The following ATP1B3 variants were observed in gnomAD, a reference collection of about 807,000 sequenced individuals.
ATP1B3 encodes sodium/potassium-transporting ATPase subunit beta-3.
In ATP1B3, 10 loss-of-function variants were observed where a neutral mutation model predicts 30.2. That is an observed-to-expected ratio of 0.33 (90% CI 0.20 to 0.56). The LOEUF (loss-of-function observed/expected upper bound fraction) is 0.56, where lower values mean the gene tolerates loss of function less well. Among genes scored for constraint, ATP1B3 ranks in the 20% least tolerant of loss-of-function variants. The probability of loss-of-function intolerance (pLI) is 0.90; values close to 1 mark genes in which losing one functional copy is unlikely to be tolerated. For missense variants in ATP1B3, 238 were observed against 336.7 expected (o/e 0.71, Z 2.29); for synonymous variants, 113 against 117.0 (o/e 0.97, Z 0.22).
At chr3:141,898,136 G>A (rs1244545204) in intron 1 of ATP1B3, among the ~76,000 whole-genome samples, 1 of 152,138 alleles carries the variant, frequency 6.6e-6, no homozygotes, top group Admixed American at 6.5e-5. Flanking sequence ...AAACTTAAGA[G>A]CTAATTTATA....
chr3:141,896,328 T>G (rs1934064486), intron 1 of ATP1B3, among the ~76,000 whole-genome samples: 1 of 151,056 alleles, frequency 6.6e-6, no homozygotes, highest in African/African-American at 2.5e-5. Context: ...AAAAAAAAAT[T>G]TTCTTAAGAA....
At chr3:141,916,233 G>A (rs193160356) in intron 5 of ATP1B3, 26 of 535,872 alleles carry the variant, frequency 4.9e-5, no homozygotes, top group African/African-American at 3.4e-4. Flanking sequence ...TGCACACATT[G>A]CCTTTATTTT....
intron 1 of ATP1B3, among the ~76,000 whole-genome samples, chr3:141,896,770 G>T (rs183923168): frequency 6.6e-6 from 1 of 152,082 alleles, no homozygotes; most frequent in East Asian, 1.9e-4. Context: ...ACCTTCTACT[G>T]TTTTAATTAT....
chr3:141,908,059 C>G (rs1171087582), intron 3 of ATP1B3, among the ~76,000 whole-genome samples: 1 of 136,058 alleles, frequency 7.3e-6, no homozygotes, highest in African/African-American at 2.8e-5. Flanking sequence ...TTTTTTTGTG[C>G]CAGGCATTCT....
intron 1 of ATP1B3, among the ~76,000 whole-genome samples, chr3:141,890,261 T>G (rs1304505763): frequency 4.7e-5 from 7 of 147,472 alleles, no homozygotes; most frequent in African/African-American, 7.4e-5. Context: ...TTTTTGATTT[T>G]TGTTTGTTTG....
Position 141,876,863 on chromosome 3 carries a change from A to G in ATP1B3, c.62A>G (p.Tyr21Cys). 3 of 1,583,284 alleles carry G rather than the reference A, an allele frequency of 1.9e-6. No individual in the cohort carries two copies. The highest frequency in any genetic ancestry group is 1.4e-5 in the African/African-American group (1 of 71,580). Residue 21 changes from tyrosine (Y) to cysteine (C), a missense_variant, in exon 1 of 7, where the codon TAC becomes TGC. Around this residue, in one of 3 missense-constraint regions of ATP1B3, gnomAD observed 130 missense variants for 148.8 expected, o/e 0.87. Coordinates refer to ENST00000286371, the MANE Select transcript of ATP1B3 (RefSeq NM_001679.4). Reference sequence around the variant, plus strand: ...CTGGCCGAGTGGAAGCTCTTCATCTACAACCCGACCACCGGAGAATTCCTG... The same window carrying G: ...CTGGCCGAGTGGAAGCTCTTCATCTGCAACCCGACCACCGGAGAATTCCTG... ...QSLAEWKLFI[Y>C]NPTTGEFLGR...
At chr3:141,918,350 C>T (rs1934505795) in intron 5 of ATP1B3, 1 of 152,228 alleles carries the variant, frequency 6.6e-6, no homozygotes, top group African/African-American at 2.4e-5. Flanking sequence ...GTCTACAAAG[C>T]CAATACCACC....
At position 141,905,627 on chromosome 3, in the gene ATP1B3, T is replaced by G. The variant is rs767923926; in HGVS notation, c.239-1540T>G. 4.6e-5 allele frequency among the ~76,000 whole-genome samples: 7 copies of G among 152,348 alleles called. No homozygotes were observed. The East Asian group carries it at 9.6e-4, about 21-fold the overall frequency. On this transcript the variant is annotated intron_variant, in intron 2 of 6. Coordinates refer to ENST00000286371, the MANE Select transcript of ATP1B3 (RefSeq NM_001679.4). ...GTCTTGAATAACTCTTTTAAAACTC[T>G]TAGTGTATTGGAGCAAGTGTCAGAG...
chr3:141,881,963 T>C (rs964583051), intron 1 of ATP1B3, among the ~76,000 whole-genome samples: 1 of 152,130 alleles, frequency 6.6e-6, no homozygotes, highest in East Asian at 1.9e-4. Flanking sequence ...AGGGTAAGTG[T>C]ATGTGTTGTG....
At chr3:141,923,326 G>A (rs1236129613) in intron 6 of ATP1B3, among the ~76,000 whole-genome samples, 7 of 152,042 alleles carry the variant, frequency 4.6e-5, no homozygotes, top group Non-Finnish European at 8.8e-5. Context: ...CATAGGAGTG[G>A]GACTAGCGGC....
chr3:141,895,188 C>CTT (rs1176839559), intron 1 of ATP1B3, among the ~76,000 whole-genome samples: 25 of 121,428 alleles, frequency 2.1e-4, no homozygotes, highest in Middle Eastern at 4.3e-3. Context: ...TCTTTCTTTT[C>CTT]TTTTTTTTTT....
chr3:141,887,442 G>A (rs1351035241), intron 1 of ATP1B3, among the ~76,000 whole-genome samples: 5 of 152,158 alleles, frequency 3.3e-5, no homozygotes, highest in Non-Finnish European at 4.4e-5. Context: ...GGTAACCCCC[G>A]TTAAGTGTGT....
At chr3:141,916,550 C>G in intron 5 of ATP1B3, 1 of 1,288,042 alleles carries the variant, frequency 7.8e-7, no homozygotes, top group South Asian at 1.2e-5. Flanking sequence ...GCAAATGCCA[C>G]TAAGACAAAT....
chr3:141,885,920 CA>C (rs1559864960), intron 1 of ATP1B3, among the ~76,000 whole-genome samples: 41 of 149,572 alleles, frequency 2.7e-4, no homozygotes, highest in African/African-American at 8.1e-4. Flanking sequence ...CACACACACA[CA>C]CACCCCTGTA....
intron 3 of ATP1B3, among the ~76,000 whole-genome samples, chr3:141,908,050 T>C (rs1156598681): frequency 1.3e-5 from 2 of 150,690 alleles, no homozygotes; most frequent in African/African-American, 4.9e-5. Flanking sequence ...AAGAATCTTT[T>C]TTTTTGTGCC....
At chr3:141,904,438 G>A (rs903771671) in intron 2 of ATP1B3, among the ~76,000 whole-genome samples, 2 of 151,640 alleles carry the variant, frequency 1.3e-5, no homozygotes, top group African/African-American at 4.8e-5. Flanking sequence ...GAGTAATTAA[G>A]GTATATATTT....
chr3:141,922,226 C>G, intron 6 of ATP1B3, 163 bp downstream of exon 6: 1 of 504,890 alleles, frequency 2.0e-6, no homozygotes, highest in Non-Finnish European at 3.6e-6. Context: ...ATGGAGTTCC[C>G]ACATTTACAA....
chr3:141,891,773 A>T (rs1229418004), intron 1 of ATP1B3, among the ~76,000 whole-genome samples: 1 of 151,722 alleles, frequency 6.6e-6, no homozygotes, highest in Non-Finnish European at 1.5e-5. Context: ...CTCTGATTAC[A>T]TTATTTTGAA....
chr3:141,897,519 G>A (rs369301474), intron 1 of ATP1B3, among the ~76,000 whole-genome samples: 20 of 152,282 alleles, frequency 1.3e-4, no homozygotes, highest in African/African-American at 4.6e-4. Flanking sequence ...CCCTGGGAGA[G>A]CAGGCCAGAC....
Sources: allele counts gnomAD v4.1 joint callset (sites outside exome capture counted in the v4.1 genomes callset), GRCh38; gene constraint gnomAD v4.1.1; regional missense constraint gnomAD v4.1.1; transcripts MANE v1.5; gene names NCBI Gene and HGNC (gene_info 2026-07-23, HGNC 2026-07-21).